The following ENTREP2 variants were observed in gnomAD, a reference collection of about 807,000 sequenced individuals.
The protein encoded by ENTREP2 is endosomal transmembrane epsin interactor 2.
the ENTREP2 span, among the ~76,000 whole-genome samples, chr15:29,245,835 G>A: frequency 6.6e-6 from 1 of 152,202 alleles, no homozygotes; most frequent in Middle Eastern, 3.4e-3. Flanking sequence ...CAACACACAA[G>A]TTTGGATCTG....
the ENTREP2 span, among the ~76,000 whole-genome samples, chr15:29,259,811 C>CAT: frequency 0.02 from 3,013 of 149,398 alleles, 90 homozygotes; most frequent in African/African-American, 0.063. Context: ...ATCCCATTTA[C>CAT]ATATATATAT....
chr15:29,583,522 G>A, the ENTREP2 span, among the ~76,000 whole-genome samples: 1 of 152,172 alleles, frequency 6.6e-6, no homozygotes, highest in African/African-American at 2.4e-5. Flanking sequence ...TTAGAGAAAA[G>A]AGCTAATACA....
chr15:29,360,211 ATATCTT>A, the ENTREP2 span, among the ~76,000 whole-genome samples: 1 of 152,230 alleles, frequency 6.6e-6, no homozygotes, highest in African/African-American at 2.4e-5. Flanking sequence ...TTCTAACGCT[ATATCTT>A]TATAACGGTA....
the ENTREP2 span, among the ~76,000 whole-genome samples, chr15:29,394,802 T>C: frequency 3.3e-5 from 5 of 152,080 alleles, no homozygotes; most frequent in African/African-American, 4.8e-5. Flanking sequence ...GGAATCATAG[T>C]TTTATCCTTT....
At chr15:29,314,872 T>G in the ENTREP2 span, among the ~76,000 whole-genome samples, 2 of 151,888 alleles carry the variant, frequency 1.3e-5, no homozygotes. Context: ...GGCAACATGG[T>G]GAAACCCCGC....
At chr15:29,605,409 T>A in the ENTREP2 span, among the ~76,000 whole-genome samples, 19 of 152,200 alleles carry the variant, frequency 1.2e-4, no homozygotes, top group Non-Finnish European at 1.0e-4. Context: ...CCTCTATGTG[T>A]AAATGTCAGT....
At chr15:29,259,811 C>CATATATATATATATATAT in the ENTREP2 span, among the ~76,000 whole-genome samples, 5 of 149,318 alleles carry the variant, frequency 3.3e-5, no homozygotes, top group African/African-American at 1.3e-4. Context: ...ATCCCATTTA[C>CATATATATATATATATAT]ATATATATAT....
chr15:29,670,035 C>T, the ENTREP2 span, among the ~76,000 whole-genome samples: 11 of 152,184 alleles, frequency 7.2e-5, no homozygotes, highest in African/African-American at 2.7e-4. Flanking sequence ...ATTCCGAAGC[C>T]ATGTCAGCTC....
the ENTREP2 span, among the ~76,000 whole-genome samples, chr15:29,402,429 T>C: frequency 6.6e-5 from 10 of 152,012 alleles, no homozygotes; most frequent in African/African-American, 1.9e-4. Flanking sequence ...GATCCTCCCA[T>C]TTCGGCCTCC....
chr15:29,646,356 G>A, the ENTREP2 span, among the ~76,000 whole-genome samples: 3 of 152,260 alleles, frequency 2.0e-5, no homozygotes, highest in East Asian at 1.9e-4. Context: ...AACCCATTTC[G>A]TGCTTACTCG....
chr15:29,306,233 G>C, the ENTREP2 span, among the ~76,000 whole-genome samples: 2 of 152,254 alleles, frequency 1.3e-5, no homozygotes, highest in Non-Finnish European at 2.9e-5. Flanking sequence ...ATTCAGCATA[G>C]ACAGGAACCT....
At chr15:29,548,134 A>G in the ENTREP2 span, among the ~76,000 whole-genome samples, 45 of 152,266 alleles carry the variant, frequency 3.0e-4, no homozygotes, top group African/African-American at 9.9e-4. Context: ...CAGTGTGAAT[A>G]TACTTAACAA....
the ENTREP2 span, among the ~76,000 whole-genome samples, chr15:29,336,332 G>C: frequency 6.6e-6 from 1 of 151,716 alleles, no homozygotes; most frequent in African/African-American, 2.4e-5. Flanking sequence ...GTTGTTTTGA[G>C]ACAGAGTCTC....
At chr15:29,160,334 C>T in the ENTREP2 span, among the ~76,000 whole-genome samples, 4 of 152,130 alleles carry the variant, frequency 2.6e-5, no homozygotes, top group Non-Finnish European at 5.9e-5. Flanking sequence ...CACAGTGCAG[C>T]GTGGGCTGAA....
the ENTREP2 span, among the ~76,000 whole-genome samples, chr15:29,415,179 T>C: frequency 0.76 from 115,024 of 152,028 alleles, 44,668 homozygotes; most frequent in African/African-American, 0.93. Flanking sequence ...TGATACAAAG[T>C]CTGGCAGAGA....
chr15:29,123,254 A>C, the ENTREP2 span: 1 of 1,362,376 alleles, frequency 7.3e-7, no homozygotes, highest in East Asian at 2.5e-5. Context: ...CTGGGCCTGA[A>C]GGCCTCTTTG....
the ENTREP2 span, among the ~76,000 whole-genome samples, chr15:29,623,794 C>T: frequency 6.6e-6 from 1 of 152,126 alleles, no homozygotes; most frequent in Non-Finnish European, 1.5e-5. Flanking sequence ...TAAGGTATCT[C>T]CACCAGACCC....
chr15:29,373,319 G>A, the ENTREP2 span, among the ~76,000 whole-genome samples: 7 of 152,096 alleles, frequency 4.6e-5, no homozygotes, highest in Non-Finnish European at 8.8e-5. Context: ...GAATCAGGTC[G>A]GGGTGAGGAA....
At chr15:29,118,188 A>T in the ENTREP2 span, 1 of 152,722 alleles carries the variant, frequency 6.5e-6, no homozygotes, top group South Asian at 2.1e-4. Context: ...ACTGTGACTT[A>T]AGAAGCCTTA....
Sources: allele counts gnomAD v4.1 joint callset (sites outside exome capture counted in the v4.1 genomes callset), GRCh38; gene constraint gnomAD v4.1.1; transcripts MANE v1.5; gene names NCBI Gene and HGNC (gene_info 2026-07-23, HGNC 2026-07-21).